The following EPS8L2 variants were observed in gnomAD, a reference collection of about 807,000 sequenced individuals.
EPS8L2 encodes EPS8 signaling adaptor L2, also known as epidermal growth factor receptor kinase substrate 8-like protein 2.
A neutral mutation model predicts 99.4 loss-of-function variants in EPS8L2; 81 were observed. The ratio of observed to expected loss-of-function variants is 0.82; its 90% CI spans 0.68 to 0.98. The LOEUF is 0.98. Ranked by LOEUF, EPS8L2 falls within the 50% of genes least tolerant of loss-of-function variation. The probability of loss-of-function intolerance (pLI) is 0.00; values close to 1 mark genes in which losing one functional copy is unlikely to be tolerated. For synonymous variants in EPS8L2, 509 were observed against 407.3 expected (o/e 1.25, Z -3.01); for missense variants, 1,155 against 968.8 (o/e 1.19, Z -2.55).
At chr11:720,406 A>C in intron 5 of EPS8L2, 183 bp downstream of exon 5, 3 of 1,093,932 alleles carry the variant, frequency 2.7e-6, no homozygotes, top group Non-Finnish European at 2.6e-6. Flanking sequence ...AGTCCAGGGA[A>C]GTTTGGAAGC....
chr11:713,734 T>C (rs995387447), intron 4 of EPS8L2, among the ~76,000 whole-genome samples: 1 of 152,222 alleles, frequency 6.6e-6, no homozygotes, highest in African/African-American at 2.4e-5. Context: ...TTAGCAGAGA[T>C]GGGGTTTCAC....
rs888473264 is a variant in EPS8L2 at position 709,984 on chromosome 11, C to T, written c.100+376C>T. The T allele has an allele frequency of 1.5e-5, 6 of 406,378 alleles. No homozygotes were observed. The Admixed American group carries it at 2.4e-4, about 16-fold the overall frequency. 25.2% of individuals were successfully genotyped at this position (406,378 alleles called of 1,614,324 possible). On this transcript the variant is annotated intron_variant, in intron 3 of 20. Coordinates refer to ENST00000318562, the MANE Select transcript of EPS8L2 (RefSeq NM_022772.4). ...GCCCTTCCCCAGAGACGACCCTGCC[C>T]TCTCGCTAGCTAGATGCACCCTTCA...
intron 1 of EPS8L2, 106 bp from the exon 2 acceptor site, chr11:709,224 A>G: frequency 1.4e-6 from 1 of 703,148 alleles, no homozygotes; most frequent in Non-Finnish European, 2.3e-6. Context: ...CTGCCCCCCA[A>G]GGGACCCCCA....
intron 4 of EPS8L2, among the ~76,000 whole-genome samples, chr11:718,318 G>A (rs187069705): frequency 5.9e-5 from 9 of 152,208 alleles, no homozygotes; most frequent in Non-Finnish European, 1.2e-4. Context: ...GGGGGACAGA[G>A]CGAGACTGTC....
At position 726,715 on chromosome 11, in the gene EPS8L2, G is replaced by T. The variant is rs535823956; in HGVS notation, c.2031G>T (p.Val677=). The T allele has an allele frequency of 1.3e-6, 2 of 1,594,132 alleles. No individual in the cohort carries two copies. The highest frequency in any genetic ancestry group is 2.3e-5 in the South Asian group (2 of 87,810). The change falls in exon 20 of 21, where the codon GTG becomes GTT. Residue 677 remains valine, a synonymous_variant. Transcript: ENST00000318562. ...KKVCGEEGVR[V]YSQLTMQKAF... ...TGTGCGGCGAGGAGGGCGTCCGCGT[G>T]TACAGCCAGCTCACCATGCAGAAGG...
rs768947347 is a variant in EPS8L2, at chr11:727,015, G to A, written c.*34G>A. On this transcript the variant is annotated 3_prime_UTR_variant, in exon 21 of 21. Coordinates refer to ENST00000318562, the MANE Select transcript of EPS8L2 (RefSeq NM_022772.4). ...GCCTTGGGCTGGGGCCTGCGGAGGG[G>A]AAGCCCACCCACAATGCATGGAGTA... The A allele has an allele frequency of 7.0e-7, 1 of 1,431,760 alleles. No homozygotes were observed. Among genetic ancestry groups the A allele is most frequent in the South Asian group, 1.2e-5 (1 of 86,350 alleles). 88.7% of individuals were successfully genotyped at this position (1,431,760 alleles called of 1,614,324 possible). A position where few individuals can be genotyped will look rare whatever the true frequency, so the allele number is the denominator to read the frequency against.
intron 4 of EPS8L2, among the ~76,000 whole-genome samples, chr11:717,587 C>G (rs1862053023): frequency 6.6e-6 from 1 of 152,162 alleles, no homozygotes; most frequent in Admixed American, 6.6e-5. Context: ...GGTAAAAAAA[C>G]ACAATTCCTG....
Position 722,569 on chromosome 11 carries a change from T to C in EPS8L2, c.1208+20T>C, listed in dbSNP as rs191126136. 619 of 1,612,006 alleles carry C rather than the reference T, an allele frequency of 3.8e-4. No individual in the cohort carries two copies. The highest frequency in any genetic ancestry group is 3.1e-3 in the South Asian group (280 of 91,016). On this transcript the variant is annotated intron_variant, in intron 13 of 20. Transcript: ENST00000318562. ...GCCCCGGTAGGGCAGGGCAGAGCAGTGCCGGGGCTTCATGGGGGGCCAGCG... is the reference window on the plus strand; with the variant it reads ...GCCCCGGTAGGGCAGGGCAGAGCAGCGCCGGGGCTTCATGGGGGGCCAGCG...
chr11:723,199 C>A (rs199749994), intron 14 of EPS8L2, 42 bp from the exon 15 acceptor site: 4 of 1,100,616 alleles, frequency 3.6e-6, no homozygotes, highest in Non-Finnish European at 5.4e-6. Context: ...TGGGACCCAG[C>A]CCCGCCCCAT....
intron 4 of EPS8L2, among the ~76,000 whole-genome samples, chr11:715,052 C>T (rs1272066060): frequency 5.9e-5 from 9 of 152,182 alleles, no homozygotes; most frequent in Admixed American, 3.3e-4. Flanking sequence ...ACCATTCTGG[C>T]TAACATGGTG....
At position 723,393 on chromosome 11, in the gene EPS8L2, C is replaced by T. The variant is rs201493659; in HGVS notation, c.1454+40C>T. Reference sequence around the variant, plus strand: ...AAGTGAGGGAGCATGAAAGTGAAACCCTTCAGAACCTACAGTCTCTAAAAA... The same window carrying T: ...AAGTGAGGGAGCATGAAAGTGAAACTCTTCAGAACCTACAGTCTCTAAAAA... On this transcript the variant is annotated intron_variant, in intron 15 of 20. Coordinates refer to ENST00000318562, the MANE Select transcript of EPS8L2 (RefSeq NM_022772.4). The T allele has an allele frequency of 5.2e-5, 47 of 901,724 alleles. No homozygotes were observed. The East Asian group carries it at 1.1e-3, about 22-fold the overall frequency. The allele number at this position is 901,724 out of a possible 1,614,324, so 55.9% of individuals were successfully genotyped here.
chr11:720,988 GAGGGGAGGAGCC>G, intron 7 of EPS8L2, 64 bp from the exon 8 acceptor site: 4 of 1,458,528 alleles, frequency 2.7e-6, no homozygotes, highest in Non-Finnish European at 3.7e-6. Context: ...GCCGGCAGGG[GAGGGGAGGAGCC>G]CGGCAGGGAG....
Position 720,892 on chromosome 11 carries a change from G to GCGGC in EPS8L2, c.543_546dup (p.Gln183AlafsTer130), listed in dbSNP as rs754806041. The stretch of plus-strand genomic sequence containing the variant: ...CCGACTGCCGGCTGGGCAAGAAGAT[G>GCGGC]CGGCCGCAGACCCTGAAGTAGGGCA... On this transcript the variant is annotated frameshift_variant, in exon 7 of 21. Coordinates refer to ENST00000318562, the MANE Select transcript of EPS8L2 (RefSeq NM_022772.4). LOFTEE classifies it high-confidence loss of function. The GCGGC allele has an allele frequency of 7.3e-6, 11 of 1,502,686 alleles. No homozygotes were observed. The South Asian group carries it at 1.3e-4, about 18-fold the overall frequency. 93.1% of individuals were successfully genotyped at this position (1,502,686 alleles called of 1,614,324 possible).
intron 1 of EPS8L2, among the ~76,000 whole-genome samples, chr11:708,262 C>A (rs992228235): frequency 4.1e-4 from 63 of 152,190 alleles, no homozygotes; most frequent in African/African-American, 1.5e-3. Flanking sequence ...CCCCACAGGG[C>A]ATAGTCCCCT....
At position 726,964 on chromosome 11, in the gene EPS8L2, A is replaced by AG; in HGVS notation, c.2137dup (p.Glu713GlyfsTer58). The AG allele has an allele frequency of 1.2e-6, 2 of 1,613,118 alleles. No individual in the cohort carries two copies. Among genetic ancestry groups the AG allele is most frequent in the South Asian group, 1.1e-5 (1 of 90,982 alleles). On this transcript the variant is annotated frameshift_variant, in exon 21 of 21. Coordinates refer to ENST00000318562, the MANE Select transcript of EPS8L2 (RefSeq NM_022772.4). LOFTEE classifies it high-confidence loss of function. ...CAAGTTTCATTCCATGAATCAGAGG[A>AG]GGGGGGAGGACAGCTAGGCCCAGCT...
intron 4 of EPS8L2, among the ~76,000 whole-genome samples, chr11:711,648 T>C (rs1023717978): frequency 6.6e-6 from 1 of 151,980 alleles, no homozygotes; most frequent in African/African-American, 2.4e-5. Flanking sequence ...CTTGGGAGGC[T>C]CAGGCAGGAG....
At chr11:721,535 G>T (rs1253112380) in intron 9 of EPS8L2, 30 bp from the exon 10 acceptor site, 1 of 1,529,612 alleles carries the variant, frequency 6.5e-7, no homozygotes, top group Admixed American at 2.2e-5. Flanking sequence ...GGAGTGTCAG[G>T]GGCTGACCCC....
intron 4 of EPS8L2, among the ~76,000 whole-genome samples, chr11:713,253 C>T (rs967314075): frequency 1.2e-4 from 18 of 152,210 alleles, no homozygotes; most frequent in Non-Finnish European, 1.6e-4. Flanking sequence ...GCCATGTGTA[C>T]GTGGGGGTGT....
intron 18 of EPS8L2, 48 bp from the exon 19 acceptor site, chr11:726,256 G>T (rs1189690712): frequency 1.0e-5 from 16 of 1,577,410 alleles, no homozygotes; most frequent in South Asian, 2.3e-5. Flanking sequence ...GGCCGGGGGC[G>T]GGGGCAGGGG....
Sources: allele counts gnomAD v4.1 joint callset (sites outside exome capture counted in the v4.1 genomes callset), GRCh38; gene constraint gnomAD v4.1.1; transcripts MANE v1.5; gene names NCBI Gene and HGNC (gene_info 2026-07-23, HGNC 2026-07-21).